MYH2: variants seen among roughly 807,000 people sequenced by gnomAD.
MYH2 encodes myosin-2.
A neutral mutation model predicts 228.1 loss-of-function variants in MYH2; 139 were observed. The observed-to-expected ratio is 0.61, with a 90% CI of 0.53 to 0.70. The LOEUF (loss-of-function observed/expected upper bound fraction) is 0.70. Among genes scored for constraint, MYH2 ranks in the 30% least tolerant of loss-of-function variants. The pLI, the probability that MYH2 is intolerant of heterozygous loss-of-function variation, is 0.00. For synonymous variants in MYH2, 796 were observed against 871.1 expected (o/e 0.91, Z 1.52); for missense variants, 1,809 against 2,357.5 (o/e 0.77, Z 4.82).
chr17:10,540,143 T>G, intron 11 of MYH2, 77 bp from the exon 12 acceptor site: 5 of 1,594,742 alleles, frequency 3.1e-6, no homozygotes, highest in Non-Finnish European at 4.3e-6. Context: ...TTCCCATTGC[T>G]GGCCTGAGGA....
At position 10,529,067 on chromosome 17, in the gene MYH2, C is replaced by T; in HGVS notation, c.3367G>A (p.Glu1123Lys). Reference protein sequence around the residue: ...KIKELQARIEELEEEIEAERA... With the variant: ...KIKELQARIEKLEEEIEAERA... The stretch of plus-strand genomic sequence containing the variant: ...TCTGCCTCGATTTCCTCCTCCAGCT[C>T]CTCAATGCGGGCCTGGGAATGGTGG... The change falls in exon 27 of 40, where the codon GAG (glutamate) becomes AAG (lysine). Residue 1123 changes from glutamate to lysine, a missense_variant. By Grantham distance (56) the Glu-to-Lys change is moderately conservative. Around this residue, in one of 9 missense-constraint regions of MYH2, gnomAD observed 636 missense variants for 729.9 expected, o/e 0.87. Coordinates refer to ENST00000245503, the MANE Select transcript of MYH2 (RefSeq NM_017534.6). 1 of 1,614,224 alleles carries T rather than the reference C, an allele frequency of 6.2e-7. No homozygotes were observed. Among genetic ancestry groups the T allele is most frequent in the Non-Finnish European group, 8.5e-7 (1 of 1,180,048 alleles).
chr17:10,546,269 A>ATATATG (rs1555572159), intron 4 of MYH2, among the ~76,000 whole-genome samples: 1 of 96,018 alleles, frequency 1.0e-5, no homozygotes, highest in East Asian at 2.5e-4. Context: ...ATATATATAT[A>ATATATG]TATATATATA....
rs544066673 is a variant in MYH2 at position 10,521,315 on chromosome 17, G to A, written c.5791C>T (p.Arg1931Trp). 9.3e-6 allele frequency: 15 copies of A among 1,614,012 alleles called. No individual in the cohort carries two copies. The highest frequency in any genetic ancestry group is 3.3e-5 in the Admixed American group (2 of 60,008). ...SQVNKLRVKS[R>W]EVHTKVISEE ...CTTATGACTTTTGTGTGAACCTCCCGGCTCTTCACCCGCAGTTTGTTCACC... is the reference window on the plus strand; with the variant it reads ...CTTATGACTTTTGTGTGAACCTCCCAGCTCTTCACCCGCAGTTTGTTCACC... Residue 1931 changes from arginine to tryptophan, a missense_variant, in exon 40 of 40, where the codon CGG (arginine) becomes TGG (tryptophan). Around this residue, in one of 9 missense-constraint regions of MYH2, gnomAD observed 278 missense variants for 308.5 expected, o/e 0.90. Transcript: ENST00000245503.
rs1036741772 is a variant in MYH2, at chr17:10,530,077, T to C, written c.2698-3A>G. 1.5e-5 allele frequency: 25 copies of C among 1,614,142 alleles called. 1 individual carries two copies. The highest frequency in any genetic ancestry group is 1.9e-5 in the Non-Finnish European group (23 of 1,180,054). On this transcript the variant is annotated splice_region_variant and splice_polypyrimidine_tract_variant and intron_variant, in intron 22 of 39. Coordinates refer to ENST00000245503, the MANE Select transcript of MYH2 (RefSeq NM_017534.6). ...GCATCAGCCAAGCCTTCGGCTTCCT[T>C]AAGTTGGAAACAAGATCAAAATTGG...
In MYH2 at chr17:10,524,832, T is replaced by C; in HGVS notation, c.4896A>G (p.Glu1632=). The C allele has an allele frequency of 6.2e-7, 1 of 1,614,104 alleles. No individual in the cohort carries two copies. The highest frequency in any genetic ancestry group is 8.5e-7 in the Non-Finnish European group (1 of 1,180,022). Reference sequence around the variant, plus strand: ...TGCGGTTGGCATGGTTCAGCTGGATTTCCATTTCATTGAGGTCTCCCTCCA... The same window carrying C: ...TGCGGTTGGCATGGTTCAGCTGGATCTCCATTTCATTGAGGTCTCCCTCCA... ...KKMEGDLNEM[E]IQLNHANRMA... The change falls in exon 34 of 40, where the codon GAA becomes GAG. Residue 1632 remains glutamate, a synonymous_variant. Coordinates refer to ENST00000245503, the MANE Select transcript of MYH2 (RefSeq NM_017534.6). The surrounding 1 kb of genome is among the most constrained non-coding windows in gnomAD (Gnocchi z 4.7).
At chr17:10,522,934 A>G (rs1257987436) in intron 39 of MYH2, among the ~76,000 whole-genome samples, 156 bp downstream of exon 39, 1 of 152,176 alleles carries the variant, frequency 6.6e-6, no homozygotes, top group African/African-American at 2.4e-5. Flanking sequence ...TTTAAAATGA[A>G]GCTACTGATA....
In MYH2 at chr17:10,521,317, C is replaced by T; in HGVS notation, c.5789G>A (p.Ser1930Asn). 3 of 1,614,138 alleles carry T rather than the reference C, an allele frequency of 1.9e-6. No individual in the cohort carries two copies. The highest frequency in any genetic ancestry group is 2.5e-6 in the Non-Finnish European group (3 of 1,180,030). The stretch of plus-strand genomic sequence containing the variant: ...TATGACTTTTGTGTGAACCTCCCGG[C>T]TCTTCACCCGCAGTTTGTTCACCTG... ...ESQVNKLRVK[S>N]REVHTKVISE... is the part of the protein sequence containing the mutation. The change falls in exon 40 of 40, where the codon AGC becomes AAC. Residue 1930 changes from serine to asparagine, a missense_variant. Physicochemically the swap from Ser to Asn is conservative, Grantham distance 46. Transcript: ENST00000245503.
chr17:10,536,581 T>C lies in MYH2; in HGVS notation c.1923A>G (p.Lys641=), dbSNP rs1333835750. Residue 641 remains lysine (K), a synonymous_variant, in exon 17 of 40, where the codon AAA becomes AAG. Coordinates refer to ENST00000245503, the MANE Select transcript of MYH2 (RefSeq NM_017534.6). ...EGEGAGGGAK[K]GGKKKGSSFQ... is the part of the protein sequence containing the mutation. Reference sequence around the variant, plus strand: ...AAGAAGAGCCCTTCTTCTTACCACCTTTCTTGGCCCCTCCACCAGCTCCCT... The same window carrying C: ...AAGAAGAGCCCTTCTTCTTACCACCCTTCTTGGCCCCTCCACCAGCTCCCT... The C allele has an allele frequency of 6.2e-7, 1 of 1,613,952 alleles. No homozygotes were observed. Among genetic ancestry groups the C allele is most frequent in the Admixed American group, 1.7e-5 (1 of 60,008 alleles).
chr17:10,534,731 G>A (rs71360271), intron 19 of MYH2, among the ~76,000 whole-genome samples: 9,845 of 152,268 alleles, frequency 0.065, 353 homozygotes, highest in South Asian at 0.12. Flanking sequence ...AGCCTGGCCA[G>A]CATGGTGAAA....
In MYH2 at chr17:10,537,486, G is replaced by A; in HGVS notation, c.1644C>T (p.Asp548=). Residue 548 remains aspartate (D), a synonymous_variant, in exon 16 of 40, where the codon GAC becomes GAT. Transcript: ENST00000245503. This position sits in a 1 kb window ranked among gnomAD's most constrained non-coding sequence, Gnocchi z 4.0. ...EEECMFPKAT[D]TSFKNKLYDQ... is the part of the protein sequence containing the mutation. ...CATACAGCTTGTTCTTGAAGGAGGT[G>A]TCTGTTGCCTTAGGGAACATGCACT... is the stretch of plus-strand genomic sequence containing the variant. 6.2e-7 allele frequency: 1 copy of A among 1,614,228 alleles called. No individual in the cohort carries two copies. Among genetic ancestry groups the A allele is most frequent in the Non-Finnish European group, 8.5e-7 (1 of 1,180,036 alleles).
Position 10,545,461 on chromosome 17 carries a change from C to T in MYH2, c.390G>A (p.Lys130=), listed in dbSNP as rs1045716268. 5 of 1,614,052 alleles carry T rather than the reference C, an allele frequency of 3.1e-6. No homozygotes were observed. The African/African-American group carries it at 5.3e-5, about 17-fold the overall frequency. Residue 130 remains lysine, a synonymous_variant, in exon 5 of 40, where the codon AAG becomes AAA. Coordinates refer to ENST00000245503, the MANE Select transcript of MYH2 (RefSeq NM_017534.6). Reference sequence around the variant, plus strand: ...CCTCGGGCTTATACACAGGCAGCCACTTGTAGGGGTTGACAGTGACACAGA... The same window carrying T: ...CCTCGGGCTTATACACAGGCAGCCATTTGTAGGGGTTGACAGTGACACAGA... The part of the protein sequence containing the change: ...GLFCVTVNPY[K]WLPVYKPEVV...
intron 16 of MYH2, 43 bp from the exon 17 acceptor site, chr17:10,536,649 G>T: frequency 6.4e-7 from 1 of 1,565,204 alleles, no homozygotes; most frequent in Non-Finnish European, 8.8e-7. Context: ...TGAATTGGCA[G>T]GGCTACTTCT....
intron 39 of MYH2, among the ~76,000 whole-genome samples, chr17:10,522,858 G>A (rs1353717221): frequency 6.6e-6 from 1 of 151,972 alleles, no homozygotes; most frequent in Non-Finnish European, 1.5e-5. Flanking sequence ...TGTGGCCGGA[G>A]AATATGGCCT....
At chr17:10,531,995 C>G (rs1359240076) in intron 21 of MYH2, 107 bp from the exon 22 acceptor site, 13 of 1,386,490 alleles carry the variant, frequency 9.4e-6, no homozygotes, top group Non-Finnish European at 1.3e-5. Flanking sequence ...ACTCTGCTTT[C>G]AAACATGCAG....
rs1324243566 is a variant in MYH2 at position 10,534,516 on chromosome 17, CTTAA to C, written c.2180+553_2180+556del. Among the ~76,000 whole-genome samples the C allele has an allele frequency of 2.6e-5, 4 of 152,328 alleles. No homozygotes were observed. In the South Asian group the frequency reaches 6.2e-4, roughly 24 times the overall value. ...ATATTAAGCACTCAAAAAGGTCGTTCTTAATTATTATTGGAGTTAACGTGTGCAT... is the reference window on the plus strand; with the variant it reads ...ATATTAAGCACTCAAAAAGGTCGTTCTTATTATTGGAGTTAACGTGTGCAT... On this transcript the variant is annotated intron_variant, in intron 19 of 39. Coordinates refer to ENST00000245503, the MANE Select transcript of MYH2 (RefSeq NM_017534.6).
rs376437798 is a variant in MYH2, at chr17:10,523,499, G to A, written c.5469C>T (p.Ala1823=). The part of the protein sequence containing the change: ...GGKKQIQKLE[A]RVRELEGEVE... ...AGACAGATATTGGGAGACCCACCCT[G>A]GCCTCCAGTTTCTGGATCTGCTTCT... is the stretch of plus-strand genomic sequence containing the variant. Residue 1823 remains alanine, a synonymous_variant, in exon 37 of 40, where the codon GCC becomes GCT. Coordinates refer to ENST00000245503, the MANE Select transcript of MYH2 (RefSeq NM_017534.6). 1.9e-6 allele frequency: 3 copies of A among 1,614,116 alleles called. No individual in the cohort carries two copies. Among genetic ancestry groups the A allele is most frequent in the Non-Finnish European group, 2.5e-6 (3 of 1,180,032 alleles).
Position 10,535,367 on chromosome 17 carries a change from T to C in MYH2, c.1975-2A>G, listed in dbSNP as rs746770617. On this transcript the variant is annotated splice_acceptor_variant, in intron 17 of 39. Transcript: ENST00000245503. LOFTEE classifies it high-confidence loss of function. ...GGTCATCAGCTTGTTCAAATTCTCC[T>C]GTAAAACCAGGAAAAATCCTGTCAT... The C allele has an allele frequency of 8.7e-6, 14 of 1,613,450 alleles. No individual in the cohort carries two copies.
At chr17:10,539,843 C>G in intron 12 of MYH2, 85 bp downstream of exon 12, 1 of 1,578,436 alleles carries the variant, frequency 6.3e-7, no homozygotes, top group Non-Finnish European at 8.7e-7. Context: ...AGTGAATTTA[C>G]CTTCCCTAGG....
Position 10,525,671 on chromosome 17 carries a change from C to G in MYH2, c.4371+22G>C, listed in dbSNP as rs779536101. The G allele has an allele frequency of 1.9e-6, 3 of 1,614,194 alleles. No homozygotes were observed. Among genetic ancestry groups the G allele is most frequent in the Non-Finnish European group, 2.5e-6 (3 of 1,180,034 alleles). The stretch of plus-strand genomic sequence containing the variant: ...AAAGACAAAAGAGTAGAGTAAAGAG[C>G]AGAAGATGCTGGAGGAATTACCTTA... On this transcript the variant is annotated intron_variant, in intron 31 of 39. Transcript: ENST00000245503. This position sits in a 1 kb window ranked among gnomAD's most constrained non-coding sequence, Gnocchi z 4.2.
Sources: gnomAD v4.1 joint callset for allele counts (sites outside exome capture counted in the v4.1 genomes callset) on GRCh38, gnomAD v4.1.1 for gene constraint, gnomAD v4.1.1 regional missense constraint, Gnocchi (gnomAD v3.1) non-coding constraint, MANE v1.5 for transcripts, NCBI Gene and HGNC (gene_info 2026-07-23, HGNC 2026-07-21) for gene names.